The following ZNF277 variants were observed in gnomAD, a reference collection of about 807,000 sequenced individuals.
ZNF277 encodes the protein zinc finger protein 277.
ZNF277 carries 55 observed loss-of-function variants against 60.7 expected under a neutral mutation model. The ratio of observed to expected loss-of-function variants is 0.91; its 90% CI spans 0.73 to 1.13. The LOEUF is 1.13. Ranked by LOEUF, ZNF277 falls within the 50% of genes most tolerant of loss-of-function variation. ZNF277 has a pLI of 0.00. For synonymous variants in ZNF277, 178 were observed against 179.3 expected (o/e 0.99, Z 0.06); for missense variants, 510 against 523.0 (o/e 0.98, Z 0.24).
At chr7:112,286,765 A>G in intron 1 of ZNF277, 108 bp from the exon 2 acceptor site, 1 of 926,292 alleles carries the variant, frequency 1.1e-6, no homozygotes, top group South Asian at 1.8e-5. Context: ...AGACATGTAA[A>G]TATCTTTAGG....
chr7:112,260,490 C>CA (rs1476822087), intron 1 of ZNF277, among the ~76,000 whole-genome samples: 1 of 152,094 alleles, frequency 6.6e-6, no homozygotes, highest in African/African-American at 2.4e-5. Flanking sequence ...CTCAATCTCT[C>CA]AAAACACATT....
chr7:112,244,979 C>G (rs139346765), intron 1 of ZNF277, among the ~76,000 whole-genome samples: 1 of 152,166 alleles, frequency 6.6e-6, no homozygotes, highest in Non-Finnish European at 1.5e-5. Context: ...TAGCACAAAT[C>G]CTGTTTTTTT....
chr7:112,307,206 G>A (rs1792616284), intron 4 of ZNF277, among the ~76,000 whole-genome samples: 1 of 152,030 alleles, frequency 6.6e-6, no homozygotes, highest in African/African-American at 2.4e-5. Context: ...AGCCCATGGG[G>A]GGAGTTGGAC....
At chr7:112,210,874 G>T (rs1447835176) in intron 1 of ZNF277, among the ~76,000 whole-genome samples, 2 of 152,176 alleles carry the variant, frequency 1.3e-5, no homozygotes, top group African/African-American at 2.4e-5. Flanking sequence ...AATAGATTCA[G>T]CATCCCTCAC....
At chr7:112,326,400 C>T (rs34587747) in intron 5 of ZNF277, among the ~76,000 whole-genome samples, 4,445 of 152,186 alleles carry the variant, frequency 0.029, 102 homozygotes, top group Middle Eastern at 0.051. Flanking sequence ...ACACCTACCA[C>T]ACTGCCTACA....
At chr7:112,280,583 G>C (rs1254286430) in intron 1 of ZNF277, among the ~76,000 whole-genome samples, 1 of 151,942 alleles carries the variant, frequency 6.6e-6, no homozygotes, top group Non-Finnish European at 1.5e-5. Flanking sequence ...TGTATTTTAG[G>C]GTTCAAGGTC....
intron 4 of ZNF277, among the ~76,000 whole-genome samples, chr7:112,311,502 A>T (rs1792732325): frequency 6.6e-6 from 1 of 152,146 alleles, no homozygotes; most frequent in African/African-American, 2.4e-5. Flanking sequence ...AATAAACTTA[A>T]ATGAATAAAA....
At chr7:112,296,783 C>T (rs975771916) in intron 4 of ZNF277, among the ~76,000 whole-genome samples, 1 of 151,078 alleles carries the variant, frequency 6.6e-6, no homozygotes, top group African/African-American at 2.4e-5. Context: ...TCAGGCTTAA[C>T]CATAAGCAAG....
At chr7:112,298,296 T>G (rs1021340995) in intron 4 of ZNF277, among the ~76,000 whole-genome samples, 3 of 152,086 alleles carry the variant, frequency 2.0e-5, no homozygotes, top group Non-Finnish European at 4.4e-5. Flanking sequence ...TTAATAAATA[T>G]TAGCCAATAA....
intron 1 of ZNF277, among the ~76,000 whole-genome samples, chr7:112,248,674 GT>G (rs1318981033): frequency 3.3e-5 from 5 of 151,658 alleles, no homozygotes; most frequent in Non-Finnish European, 5.9e-5. Flanking sequence ...CATGTATGAT[GT>G]TTATATGTGT....
chr7:112,286,794 G>T, intron 1 of ZNF277, 79 bp from the exon 2 acceptor site: 1 of 1,203,298 alleles, frequency 8.3e-7, no homozygotes. Flanking sequence ...AATGCAGGAG[G>T]TGGGAAATCA....
At chr7:112,310,314 A>G (rs1391761108) in intron 4 of ZNF277, among the ~76,000 whole-genome samples, 3 of 151,884 alleles carry the variant, frequency 2.0e-5, no homozygotes, top group Non-Finnish European at 4.4e-5. Context: ...CACTCAGGAA[A>G]TTCTCAGGGT....
chr7:112,206,826 A>G lies in ZNF277; in HGVS notation c.91+19A>G. The G allele has an allele frequency of 1.2e-6, 2 of 1,610,520 alleles. No individual in the cohort carries two copies. Among genetic ancestry groups the G allele is most frequent in the East Asian group, 2.2e-5 (1 of 44,676 alleles). On this transcript the variant is annotated intron_variant, in intron 1 of 11. Transcript: ENST00000361822. ...TATGGGGGTGAGTACGGTGCCCCGG[A>G]GGCGCGGCTGATGTGTCTTCCTTTC...
intron 1 of ZNF277, among the ~76,000 whole-genome samples, chr7:112,214,330 A>T (rs1390522288): frequency 6.6e-6 from 1 of 152,236 alleles, no homozygotes; most frequent in African/African-American, 2.4e-5. Context: ...TGTTTCTATT[A>T]GCTCTTCTTA....
intron 5 of ZNF277, 68 bp downstream of exon 5, chr7:112,318,341 G>GT: frequency 1.4e-6 from 2 of 1,380,422 alleles, no homozygotes; most frequent in Non-Finnish European, 2.0e-6. Context: ...ATCCCTAACT[G>GT]TTGGTTATAT....
chr7:112,256,907 A>G (rs1370470065), intron 1 of ZNF277, among the ~76,000 whole-genome samples: 2 of 152,208 alleles, frequency 1.3e-5, no homozygotes, highest in Admixed American at 1.3e-4. Context: ...CCAAAATTCA[A>G]AACACTGGGG....
At chr7:112,286,673 C>T (rs114426502) in intron 1 of ZNF277, among the ~76,000 whole-genome samples, 200 bp from the exon 2 acceptor site, 51 of 152,268 alleles carry the variant, frequency 3.3e-4, no homozygotes, top group African/African-American at 1.2e-3. Flanking sequence ...CTTTGCAATA[C>T]TCCCTGCCTC....
In ZNF277 at chr7:112,337,792, CA is replaced by C. The variant is rs763825822; in HGVS notation, c.933del (p.Glu312LysfsTer21). On this transcript the variant is annotated frameshift_variant, in exon 9 of 12. Transcript: ENST00000361822. LOFTEE classifies it high-confidence loss of function. ...SAVCLFCEKQ[A>X]ETIEKLYVHM... is the part of the protein sequence containing the mutation. Reference sequence around the variant, plus strand: ...GTCTGCTTATTTTGTGAAAAGCAAGCAGAAACAATTGAGAAGTTGTATGTCC... The same window carrying C: ...GTCTGCTTATTTTGTGAAAAGCAAGCGAAACAATTGAGAAGTTGTATGTCC... The C allele has an allele frequency of 6.8e-6, 11 of 1,612,272 alleles. No individual in the cohort carries two copies. Among genetic ancestry groups the C allele is most frequent in the Non-Finnish European group, 9.3e-6 (11 of 1,179,408 alleles).
At chr7:112,330,411 G>A in intron 7 of ZNF277, 195 bp downstream of exon 7, 1 of 581,470 alleles carries the variant, frequency 1.7e-6, no homozygotes, top group Non-Finnish European at 3.0e-6. Context: ...ATTTGACAGT[G>A]TTTATGTAGT....
Sources: allele counts gnomAD v4.1 joint callset (sites outside exome capture counted in the v4.1 genomes callset), GRCh38; gene constraint gnomAD v4.1.1; transcripts MANE v1.5; gene names NCBI Gene and HGNC (gene_info 2026-07-23, HGNC 2026-07-21).